Variants in QTMAN observed in about 807,000 individuals in gnomAD.
The protein encoded by QTMAN is tRNA-queuosine alpha-mannosyltransferase.
the QTMAN span, among the ~76,000 whole-genome samples, chr2:144,250,134 T>G: frequency 0.027 from 3,845 of 144,238 alleles, 85 homozygotes; most frequent in Non-Finnish European, 0.026. Flanking sequence ...TTTTTTTTTT[T>G]TGTTTGTTTT....
At chr2:144,252,667 C>A in the QTMAN span, among the ~76,000 whole-genome samples, 1 of 152,166 alleles carries the variant, frequency 6.6e-6, no homozygotes, top group Admixed American at 6.5e-5. Context: ...AATGGTATAG[C>A]CACTTTGGAT....
At chr2:144,043,171 T>C in the QTMAN span, among the ~76,000 whole-genome samples, 1 of 148,426 alleles carries the variant, frequency 6.7e-6, no homozygotes, top group Non-Finnish European at 1.5e-5. Flanking sequence ...TTTGGAGTAG[T>C]TAATTTCTAT....
chr2:144,295,864 T>A, the QTMAN span, among the ~76,000 whole-genome samples: 5 of 152,176 alleles, frequency 3.3e-5, no homozygotes, highest in South Asian at 1.0e-3. Context: ...CCTCCCAAAG[T>A]GCTAGGATGA....
chr2:143,991,903 G>A, the QTMAN span, among the ~76,000 whole-genome samples: 390 of 149,054 alleles, frequency 2.6e-3, 1 homozygote, highest in African/African-American at 9.0e-3. Context: ...CCGTCCGGGA[G>A]GGAGGTGGGG....
At chr2:143,984,587 C>T in the QTMAN span, among the ~76,000 whole-genome samples, 1 of 152,220 alleles carries the variant, frequency 6.6e-6, no homozygotes, top group African/African-American at 2.4e-5. Context: ...AAGCCTGGAC[C>T]TGTGGCCCAA....
the QTMAN span, among the ~76,000 whole-genome samples, chr2:144,099,274 T>C: frequency 6.6e-6 from 1 of 152,248 alleles, no homozygotes; most frequent in African/African-American, 2.4e-5. Flanking sequence ...AGTGATATTA[T>C]TCACAACACT....
the QTMAN span, among the ~76,000 whole-genome samples, chr2:144,162,496 G>T: frequency 6.6e-6 from 1 of 152,088 alleles, no homozygotes. Context: ...GAACTGGCAG[G>T]AACTAAGGAA....
chr2:144,151,901 A>C, the QTMAN span, among the ~76,000 whole-genome samples: 1 of 152,230 alleles, frequency 6.6e-6, no homozygotes, highest in Non-Finnish European at 1.5e-5. Flanking sequence ...GCATGTTTAA[A>C]TGCTATGGAT....
chr2:144,036,213 T>C, the QTMAN span, among the ~76,000 whole-genome samples: 1 of 152,212 alleles, frequency 6.6e-6, no homozygotes, highest in Non-Finnish European at 1.5e-5. Context: ...TGTTTCCCTA[T>C]TGCCTCCATT....
the QTMAN span, among the ~76,000 whole-genome samples, chr2:144,332,230 C>G: frequency 6.6e-6 from 1 of 151,720 alleles, no homozygotes; most frequent in Non-Finnish European, 1.5e-5. Context: ...GGGAGCGCAG[C>G]GCGTGCGCCC....
chr2:144,192,367 A>G, the QTMAN span, among the ~76,000 whole-genome samples: 1 of 152,072 alleles, frequency 6.6e-6, no homozygotes, highest in Non-Finnish European at 1.5e-5. Context: ...TCAGCCTCCC[A>G]AAGTACTGGG....
At chr2:144,235,497 G>A in the QTMAN span, among the ~76,000 whole-genome samples, 2 of 152,104 alleles carry the variant, frequency 1.3e-5, no homozygotes, top group African/African-American at 4.8e-5. Flanking sequence ...GAAGAAATCT[G>A]ACTTTAAGCA....
chr2:144,173,980 A>C, the QTMAN span, among the ~76,000 whole-genome samples: 1 of 152,148 alleles, frequency 6.6e-6, no homozygotes, highest in Non-Finnish European at 1.5e-5. Context: ...CAAGTCCCTC[A>C]CCAGAAGCAG....
At chr2:144,047,928 A>C in the QTMAN span, among the ~76,000 whole-genome samples, 3 of 152,362 alleles carry the variant, frequency 2.0e-5, no homozygotes, top group East Asian at 1.9e-4. Context: ...CTATTGAAGA[A>C]ATTACCAAAT....
At chr2:144,157,256 G>C in the QTMAN span, among the ~76,000 whole-genome samples, 1 of 152,030 alleles carries the variant, frequency 6.6e-6, no homozygotes, top group Non-Finnish European at 1.5e-5. Context: ...GACTAATACA[G>C]ATATCCACCT....
the QTMAN span, among the ~76,000 whole-genome samples, chr2:144,186,226 C>G: frequency 6.6e-6 from 1 of 152,112 alleles, no homozygotes; most frequent in Non-Finnish European, 1.5e-5. Flanking sequence ...TATAGGAAGT[C>G]TGAGGTAGGA....
chr2:144,043,810 T>C, the QTMAN span, among the ~76,000 whole-genome samples: 1 of 152,170 alleles, frequency 6.6e-6, no homozygotes, highest in African/African-American at 2.4e-5. Context: ...CCTTGATTTT[T>C]GTAGATGGTA....
chr2:144,035,594 C>T, the QTMAN span, among the ~76,000 whole-genome samples: 24,613 of 148,088 alleles, frequency 0.17, 3,806 homozygotes, highest in African/African-American at 0.4. Context: ...ATGTCAAATG[C>T]AAAAAAAAAT....
chr2:144,302,374 C>G, the QTMAN span, among the ~76,000 whole-genome samples: 11 of 152,028 alleles, frequency 7.2e-5, no homozygotes, highest in African/African-American at 2.4e-4. Flanking sequence ...CAATAGATTG[C>G]CCATAGCAAT....
Sources: gnomAD v4.1 joint callset for allele counts (sites outside exome capture counted in the v4.1 genomes callset) on GRCh38, gnomAD v4.1.1 for gene constraint, MANE v1.5 for transcripts, NCBI Gene and HGNC (gene_info 2026-07-23, HGNC 2026-07-21) for gene names.